Variants in TRHDE observed in about 807,000 individuals in gnomAD.
TRHDE encodes the protein thyrotropin-releasing hormone-degrading ectoenzyme.
In TRHDE, 72 loss-of-function variants were observed where a neutral mutation model predicts 125.7. The observed-to-expected ratio is 0.57, with a 90% CI of 0.47 to 0.70. TRHDE has a LOEUF of 0.70. TRHDE is among the 30% of genes least tolerant of loss of function. The pLI is 0.00. For missense variants in TRHDE, 1,110 were observed against 1,327.1 expected (o/e 0.84, Z 2.54); for synonymous variants, 509 against 509.1 (o/e 1.00, Z 0.00).
rs753495653 is a variant in TRHDE, at chr12:72,192,304, C to T, written n.279+86552C>T. ...AAGTGATATCGATGCTTCTGGTGTTCAGATCACACTTTGAATAAGAAGCAA... is the reference window on the plus strand; with the variant it reads ...AAGTGATATCGATGCTTCTGGTGTTTAGATCACACTTTGAATAAGAAGCAA... On this transcript the variant is annotated intron_variant and non_coding_transcript_variant, in intron 2 of 4. Transcript: ENST00000548156. Among the ~76,000 whole-genome samples, 44 of 151,972 alleles carry T rather than the reference C, an allele frequency of 2.9e-4. 1 individual carries two copies. Among genetic ancestry groups the T allele is most frequent in the Non-Finnish European group, 4.3e-4 (29 of 67,982 alleles).
At chr12:72,128,046 A>T (rs972692799) in intron 2 of TRHDE, among the ~76,000 whole-genome samples, 3 of 152,152 alleles carry the variant, frequency 2.0e-5, no homozygotes, top group South Asian at 4.1e-4. Context: ...TGTGCAGAGG[A>T]TGCCCTTGAG....
intron 3 of TRHDE, among the ~76,000 whole-genome samples, chr12:72,433,196 T>A (rs919640349): frequency 1.3e-5 from 2 of 152,188 alleles, no homozygotes; most frequent in Non-Finnish European, 2.9e-5. Flanking sequence ...AGGATTTGGT[T>A]TGCTAGCATG....
Position 72,211,617 on chromosome 12 carries a change from TCC to T in TRHDE, n.279+105866_279+105867del, listed in dbSNP as rs1322905345. 2.6e-5 allele frequency among the ~76,000 whole-genome samples: 4 copies of T among 152,114 alleles called. No homozygotes were observed. The East Asian group carries it at 7.7e-4, about 29-fold the overall frequency. Reference sequence around the variant, plus strand: ...CAACAATTATTCATCACTATTTTGGTCCAGGAATTATGACAGGCCCCGGGGAC... The same window carrying T: ...CAACAATTATTCATCACTATTTTGGTAGGAATTATGACAGGCCCCGGGGAC... On this transcript the variant is annotated intron_variant and non_coding_transcript_variant, in intron 2 of 4. Coordinates refer to the TRHDE transcript ENST00000548156.
intron 2 of TRHDE, among the ~76,000 whole-genome samples, chr12:72,323,590 G>A (rs1565698599): frequency 6.6e-6 from 1 of 152,042 alleles, no homozygotes; most frequent in East Asian, 1.9e-4. Context: ...ACAAATGGCT[G>A]GATTATATAA....
intron 2 of TRHDE, among the ~76,000 whole-genome samples, chr12:72,347,707 C>T (rs1465520544): frequency 1.3e-5 from 2 of 152,010 alleles, no homozygotes; most frequent in African/African-American, 2.4e-5. Context: ...CCATGTGATC[C>T]TCTCCATACG....
chr12:72,434,301 C>G (rs1874636849), intron 3 of TRHDE, among the ~76,000 whole-genome samples: 1 of 150,272 alleles, frequency 6.7e-6, no homozygotes, highest in African/African-American at 2.5e-5. Flanking sequence ...AGGAGAATCA[C>G]TTGACCCCGG....
chr12:72,550,112 G>T (rs1372586409), intron 7 of TRHDE, among the ~76,000 whole-genome samples: 1 of 151,818 alleles, frequency 6.6e-6, no homozygotes, highest in East Asian at 1.9e-4. Flanking sequence ...ATTATAAAAT[G>T]ACTTTTTGGT....
intron 2 of TRHDE, among the ~76,000 whole-genome samples, chr12:72,200,501 G>A (rs551015708): frequency 6.6e-6 from 1 of 152,200 alleles, no homozygotes; most frequent in South Asian, 2.1e-4. Flanking sequence ...TTTGATAATG[G>A]TTTATATTAT....
rs1192841608 is a variant in TRHDE at position 72,562,196 on chromosome 12, C to G, written c.1820C>G (p.Ala607Gly). The G allele has an allele frequency of 6.4e-7, 1 of 1,562,278 alleles. No individual in the cohort carries two copies. Among genetic ancestry groups the G allele is most frequent in the African/African-American group, 1.4e-5 (1 of 73,788 alleles). ...DYLTIHKYGN[A>G]ARNDLWNTLS... The stretch of plus-strand genomic sequence containing the variant: ...TTAACCATTCATAAGTATGGTAATG[C>G]AGCCAGAAATGATCTCTGGAATACA... Residue 607 changes from alanine (A) to glycine (G), a missense_variant, in exon 8 of 19, where the codon GCA (alanine) becomes GGA (glycine). By Grantham distance (60) the Ala-to-Gly change is moderately conservative. This residue lies in a region of TRHDE where 527 missense variants were observed against 651.8 expected (regional missense o/e 0.81). Transcript: ENST00000261180.
rs191429088 is a variant in TRHDE, at chr12:72,557,891, A to G, written c.1789-4274A>G. On this transcript the variant is annotated intron_variant, in intron 7 of 18. Transcript: ENST00000261180. ...GATATTTTGGGGGATCCTGACAGAT[A>G]TAAGTAATCTATGCTTACTGCATTG... Among the ~76,000 whole-genome samples the G allele has an allele frequency of 3.9e-3, 591 of 152,290 alleles. 1 individual carries two copies. The highest frequency in any genetic ancestry group is 5.6e-3 in the Non-Finnish European group (384 of 68,028).
intron 3 of TRHDE, among the ~76,000 whole-genome samples, chr12:72,382,869 C>A (rs141256768): frequency 6.6e-6 from 1 of 152,232 alleles, no homozygotes; most frequent in Admixed American, 6.5e-5. Flanking sequence ...AATTTCTCCC[C>A]TGCAGCCTCA....
At chr12:72,626,946 T>G (rs190517427) in intron 15 of TRHDE, among the ~76,000 whole-genome samples, 1 of 152,016 alleles carries the variant, frequency 6.6e-6, no homozygotes, top group East Asian at 1.9e-4. Context: ...ACTATTTTTC[T>G]TTTTCTTATT....
intron 15 of TRHDE, among the ~76,000 whole-genome samples, chr12:72,645,932 G>A (rs1262534831): frequency 6.6e-6 from 1 of 152,008 alleles, no homozygotes; most frequent in Non-Finnish European, 1.5e-5. Context: ...GCCAAGTGAG[G>A]TCATCACCAG....
At chr12:72,163,735 T>A (rs1301436722) in intron 2 of TRHDE, among the ~76,000 whole-genome samples, 1 of 152,214 alleles carries the variant, frequency 6.6e-6, no homozygotes, top group Non-Finnish European at 1.5e-5. Flanking sequence ...CATTTTTGAA[T>A]ATCTTAAAAA....
chr12:72,604,393 A>AT (rs1872342755), intron 12 of TRHDE, among the ~76,000 whole-genome samples: 1 of 151,992 alleles, frequency 6.6e-6, no homozygotes, highest in Non-Finnish European at 1.5e-5. Flanking sequence ...TTTGAAGAAG[A>AT]TTTTATCACT....
chr12:72,619,711 GA>G (rs1298829517), intron 13 of TRHDE, among the ~76,000 whole-genome samples: 1 of 152,068 alleles, frequency 6.6e-6, no homozygotes, highest in African/African-American at 2.4e-5. Context: ...TGAGCCTTTT[GA>G]TTCTTAAATT....
Position 72,273,583 on chromosome 12 carries a change from C to G in TRHDE, c.914+26C>G, listed in dbSNP as rs549863787. The G allele has an allele frequency of 6.4e-7, 1 of 1,553,034 alleles. No individual in the cohort carries two copies. Among genetic ancestry groups the G allele is most frequent in the South Asian group, 1.2e-5 (1 of 86,204 alleles). ...GTATGGAGGGAGGCGGTGCCCCGCG[C>G]TGCCCCACCCCGGCGCGCGGCTCGA... On this transcript the variant is annotated intron_variant, in intron 1 of 18. Coordinates refer to ENST00000261180, the MANE Select transcript of TRHDE (RefSeq NM_013381.3). This position sits in a 1 kb window ranked among gnomAD's most constrained non-coding sequence, Gnocchi z 5.3.
chr12:72,646,608 C>A (rs1874290395), intron 15 of TRHDE, among the ~76,000 whole-genome samples: 1 of 151,880 alleles, frequency 6.6e-6, no homozygotes. Context: ...GCTTTAAGGA[C>A]ACATATAGGC....
chr12:72,506,185 T>C (rs1878351283), intron 6 of TRHDE, among the ~76,000 whole-genome samples: 1 of 152,106 alleles, frequency 6.6e-6, no homozygotes, highest in Non-Finnish European at 1.5e-5. Flanking sequence ...ATGGTGCATG[T>C]CTCTAGTTCC....
Sources: allele counts gnomAD v4.1 joint callset (sites outside exome capture counted in the v4.1 genomes callset), GRCh38; gene constraint gnomAD v4.1.1; regional missense constraint gnomAD v4.1.1; non-coding constraint Gnocchi (gnomAD v3.1); transcripts MANE v1.5; gene names NCBI Gene and HGNC (gene_info 2026-07-23, HGNC 2026-07-21).